CSMD1: variants seen among roughly 807,000 people sequenced by gnomAD.
CSMD1 encodes the protein CUB and Sushi multiple domains 1.
Under a neutral mutation model 417.5 loss-of-function variants are expected in CSMD1, and 213 were observed. The ratio of observed to expected loss-of-function variants is 0.51; its 90% confidence interval spans 0.46 to 0.57. The LOEUF (loss-of-function observed/expected upper bound fraction) is 0.57, where lower values mean the gene tolerates loss of function less well. Ranked by LOEUF, CSMD1 falls within the 20% of genes least tolerant of loss-of-function variation. CSMD1 has a pLI of 0.00. For missense variants in CSMD1, 6,923 were observed against 4,529.7 expected, an observed-to-expected ratio of 1.53 and a Z score of -15.17; for synonymous variants, 2,862 against 1,736.8, an observed-to-expected ratio of 1.65 and a Z score of -16.11.
intron 1 of CSMD1, among the ~76,000 whole-genome samples, chr8:4,705,957 C>T (rs1049560064): frequency 7.2e-5 from 11 of 151,928 alleles, no homozygotes; most frequent in African/African-American, 2.7e-4. Flanking sequence ...CTTCAACAAA[C>T]CTCTGGATAA....
intron 8 of CSMD1, among the ~76,000 whole-genome samples, chr8:3,601,628 T>C (rs1584945937): frequency 1.3e-5 from 2 of 152,182 alleles, no homozygotes; most frequent in African/African-American, 2.4e-5. Context: ...CATGGCTCTG[T>C]TCAGCAGCGT....
chr8:4,983,170 G>C (rs1305443005), intron 1 of CSMD1, among the ~76,000 whole-genome samples: 2 of 152,152 alleles, frequency 1.3e-5, no homozygotes, highest in Non-Finnish European at 2.9e-5. Context: ...CTTGAATATA[G>C]GGTTTCAAAG....
intron 23 of CSMD1, among the ~76,000 whole-genome samples, chr8:3,314,991 A>G (rs1055611859): frequency 2.0e-5 from 3 of 152,200 alleles, no homozygotes; most frequent in Admixed American, 1.3e-4. Context: ...TAACTGAAGA[A>G]AAGGAATACT....
At chr8:4,359,335 C>G (rs1420454844) in intron 3 of CSMD1, among the ~76,000 whole-genome samples, 1 of 152,144 alleles carries the variant, frequency 6.6e-6, no homozygotes, top group South Asian at 2.1e-4. Flanking sequence ...CAAATAGGTA[C>G]AACATATCTA....
intron 5 of CSMD1, among the ~76,000 whole-genome samples, chr8:3,900,680 G>C (rs1807688345): frequency 6.6e-6 from 1 of 152,014 alleles, no homozygotes; most frequent in Admixed American, 6.6e-5. Flanking sequence ...CTAGGTGACA[G>C]TGTAGCTTGG....
intron 10 of CSMD1, among the ~76,000 whole-genome samples, chr8:3,508,499 A>C (rs1228689565): frequency 8.3e-6 from 1 of 119,806 alleles, no homozygotes; most frequent in Non-Finnish European, 1.8e-5. Context: ...TAGAACTTAA[A>C]GTATAATAAA....
chr8:3,187,661 C>G (rs533904654), intron 36 of CSMD1, among the ~76,000 whole-genome samples: 3 of 152,122 alleles, frequency 2.0e-5, no homozygotes, highest in Non-Finnish European at 4.4e-5. Flanking sequence ...TTAGATTGGT[C>G]TCCTCCTCGT....
At chr8:3,747,492 CGTTTGTT>C (rs1166910790) in intron 6 of CSMD1, among the ~76,000 whole-genome samples, 1 of 133,338 alleles carries the variant, frequency 7.5e-6, no homozygotes, top group Non-Finnish European at 1.7e-5. Context: ...ACAAATCATA[CGTTTGTT>C]TTTTTTCCTT....
chr8:4,412,639 C>T (rs889107552), intron 3 of CSMD1, among the ~76,000 whole-genome samples: 1 of 152,158 alleles, frequency 6.6e-6, no homozygotes, highest in African/African-American at 2.4e-5. Flanking sequence ...CCAACGGAAT[C>T]AGAAACTAGA....
intron 3 of CSMD1, among the ~76,000 whole-genome samples, chr8:4,410,855 G>C (rs932308394): frequency 2.0e-5 from 3 of 152,198 alleles, no homozygotes; most frequent in African/African-American, 7.2e-5. Flanking sequence ...TTAACTGTCA[G>C]TGTAATAAGT....
chr8:3,825,251 C>T (rs946021187), intron 5 of CSMD1, among the ~76,000 whole-genome samples: 7 of 152,154 alleles, frequency 4.6e-5, no homozygotes, highest in African/African-American at 1.7e-4. Context: ...CTTGAGAGGC[C>T]GGGTGTGGTG....
intron 3 of CSMD1, among the ~76,000 whole-genome samples, chr8:4,287,084 A>G (rs1797101696): frequency 6.6e-6 from 1 of 152,320 alleles, no homozygotes; most frequent in East Asian, 1.9e-4. Flanking sequence ...AACAAAAAAG[A>G]GTTTCAATCT....
intron 3 of CSMD1, among the ~76,000 whole-genome samples, chr8:4,056,955 T>C (rs1343314810): frequency 2.6e-5 from 4 of 152,218 alleles, no homozygotes; most frequent in Non-Finnish European, 5.9e-5. Flanking sequence ...TTTGGGTTGG[T>C]TCCAAGTCTT....
chr8:3,586,021 C>A, intron 9 of CSMD1, 115 bp downstream of exon 9: 4 of 1,056,570 alleles, frequency 3.8e-6, no homozygotes, highest in Non-Finnish European at 5.3e-6. Context: ...ACATACATTA[C>A]TACCGAATTC....
intron 2 of CSMD1, among the ~76,000 whole-genome samples, chr8:4,572,052 G>A (rs2725052): frequency 0.4 from 61,356 of 151,790 alleles, 13,012 homozygotes; most frequent in East Asian, 0.53. Context: ...CACACCGATG[G>A]GTCTTGACTC....
chr8:3,873,106 GA>G (rs2129114334), intron 5 of CSMD1, among the ~76,000 whole-genome samples: 1 of 152,202 alleles, frequency 6.6e-6, no homozygotes, highest in South Asian at 2.1e-4. Flanking sequence ...CTCTTGGTGG[GA>G]GTGTAAATTA....
At chr8:4,179,922 G>C (rs1254127826) in intron 3 of CSMD1, among the ~76,000 whole-genome samples, 1 of 152,108 alleles carries the variant, frequency 6.6e-6, no homozygotes, top group Non-Finnish European at 1.5e-5. Flanking sequence ...AAAAAGTCAG[G>C]AAACAAAAGG....
At chr8:4,724,231 T>C (rs1809260792) in intron 1 of CSMD1, among the ~76,000 whole-genome samples, 1 of 152,026 alleles carries the variant, frequency 6.6e-6, no homozygotes, top group Non-Finnish European at 1.5e-5. Flanking sequence ...AACCTTGCAG[T>C]TTTAAGAACA....
At chr8:4,397,891 G>T (rs1804365504) in intron 3 of CSMD1, among the ~76,000 whole-genome samples, 1 of 151,952 alleles carries the variant, frequency 6.6e-6, no homozygotes, top group Admixed American at 6.6e-5. Context: ...TGTTCTAATG[G>T]CTCCAATTGT....
Sources: gnomAD v4.1 joint callset for allele counts (sites outside exome capture counted in the v4.1 genomes callset) on GRCh38, gnomAD v4.1.1 for gene constraint, MANE v1.5 for transcripts, NCBI Gene and HGNC (gene_info 2026-07-23, HGNC 2026-07-21) for gene names.